DDX10: variants seen among roughly 807,000 people sequenced by gnomAD.
The protein encoded by DDX10 is DEAD-box helicase 10, also known as probable ATP-dependent RNA helicase DDX10.
DDX10 carries 74 observed loss-of-function variants against 104.3 expected under a neutral mutation model. The ratio of observed to expected loss-of-function variants is 0.71; its 90% confidence interval spans 0.59 to 0.86. The LOEUF is 0.86. Ranked by LOEUF, DDX10 falls within the 40% of genes least tolerant of loss-of-function variation. DDX10 has a pLI of 0.00. For synonymous variants in DDX10, 351 were observed against 353.4 expected (o/e 0.99, Z 0.08); for missense variants, 952 against 1,040.0 (o/e 0.92, Z 1.16).
At chr11:108,674,226 G>C (rs1228712161) in intron 2 of DDX10, among the ~76,000 whole-genome samples, 1 of 151,898 alleles carries the variant, frequency 6.6e-6, no homozygotes, top group Non-Finnish European at 1.5e-5. Flanking sequence ...CTGAGGCAGG[G>C]GAATCACTTG....
intron 16 of DDX10, among the ~76,000 whole-genome samples, chr11:108,911,534 C>T (rs1022680775): frequency 2.7e-5 from 4 of 149,930 alleles, no homozygotes; most frequent in African/African-American, 9.9e-5. Flanking sequence ...CTAACCAGTT[C>T]CCAAAAGCTT....
chr11:108,788,519 C>T (rs1181234517), intron 13 of DDX10, among the ~76,000 whole-genome samples: 11 of 152,120 alleles, frequency 7.2e-5, no homozygotes, highest in Admixed American at 3.3e-4. Context: ...TGCGCCACCA[C>T]GCCTGGCTAA....
intron 1 of DDX10, among the ~76,000 whole-genome samples, chr11:108,667,985 A>G (rs1020855682): frequency 1.3e-5 from 2 of 152,196 alleles, no homozygotes; most frequent in Non-Finnish European, 1.5e-5. Context: ...TGCACTCCCC[A>G]GAGTCTGGTA....
At chr11:108,892,003 C>G (rs546884820) in intron 16 of DDX10, among the ~76,000 whole-genome samples, 4 of 152,234 alleles carry the variant, frequency 2.6e-5, no homozygotes, top group African/African-American at 9.6e-5. Flanking sequence ...ACCTGGAAAG[C>G]CTGCACATGG....
At chr11:108,832,106 C>A (rs529296455) in intron 13 of DDX10, among the ~76,000 whole-genome samples, 2 of 151,986 alleles carry the variant, frequency 1.3e-5, no homozygotes, top group South Asian at 2.1e-4. Flanking sequence ...AAAATCTTGT[C>A]AAAAAATATA....
Position 108,715,910 on chromosome 11 carries a change from A to G in DDX10, c.1354A>G (p.Lys452Glu). 1 of 1,563,180 alleles carries G rather than the reference A, an allele frequency of 6.4e-7. No individual in the cohort carries two copies. The highest frequency in any genetic ancestry group is 8.8e-7 in the Non-Finnish European group (1 of 1,136,898). Residue 452 changes from lysine (K) to glutamate (E), a missense_variant, in exon 11 of 18, where the codon AAA becomes GAA. Physicochemically the swap from Lys to Glu is moderately conservative, Grantham distance 56. Around this residue, in one of 3 missense-constraint regions of DDX10, gnomAD observed 533 missense variants for 534.1 expected, o/e 1.00. Transcript: ENST00000322536. ...INPEKLIDVQ[K>E]KLESILAQDQ... ...TCCAGAAAAACTTATAGATGTCCAGAAAAAATTGGAATCTATTTTAGCTCA... is the reference window on the plus strand; with the variant it reads ...TCCAGAAAAACTTATAGATGTCCAGGAAAAATTGGAATCTATTTTAGCTCA...
At position 108,818,662 on chromosome 11, in the gene DDX10, A is replaced by G. The variant is rs1591826524; in HGVS notation, c.1966-19784A>G. ...GTGAGTCAACTGAATCTTTTAAATTATTGTACGGTACAAATAACCAAAGTG... is the reference window on the plus strand; with the variant it reads ...GTGAGTCAACTGAATCTTTTAAATTGTTGTACGGTACAAATAACCAAAGTG... On this transcript the variant is annotated intron_variant, in intron 13 of 17. Coordinates refer to ENST00000322536, the MANE Select transcript of DDX10 (RefSeq NM_004398.4). 2.0e-5 allele frequency among the ~76,000 whole-genome samples: 3 copies of G among 152,234 alleles called. No individual in the cohort carries two copies. The East Asian group carries it at 5.8e-4, about 29-fold the overall frequency.
At chr11:108,787,637 T>G (rs1281178493) in intron 13 of DDX10, among the ~76,000 whole-genome samples, 2 of 152,038 alleles carry the variant, frequency 1.3e-5, no homozygotes, top group African/African-American at 4.8e-5. Context: ...CTGTTAATAC[T>G]TTTGATTGTA....
At chr11:108,874,867 G>A (rs1447253526) in intron 16 of DDX10, among the ~76,000 whole-genome samples, 1 of 152,090 alleles carries the variant, frequency 6.6e-6, no homozygotes, top group Non-Finnish European at 1.5e-5. Context: ...CTTCAGCTGA[G>A]TTCCTTTATT....
rs2134476139 is a variant in DDX10, at chr11:108,723,039, GA to G, written c.1546del (p.Met516CysfsTer10). The part of the protein sequence containing the change: ...AVAPRVRFLQ[K>X]MQKQPTKELV... Reference sequence around the variant, plus strand: ...TGGCACCACGCGTAAGATTTCTTCAGAAAATGCAGAAACAACCCACCAAAGA... The same window carrying G: ...TGGCACCACGCGTAAGATTTCTTCAGAAATGCAGAAACAACCCACCAAAGA... On this transcript the variant is annotated frameshift_variant, in exon 13 of 18. Coordinates refer to ENST00000322536, the MANE Select transcript of DDX10 (RefSeq NM_004398.4). LOFTEE classifies it high-confidence loss of function. 1 of 1,611,698 alleles carries G rather than the reference GA, an allele frequency of 6.2e-7. No homozygotes were observed. The highest frequency in any genetic ancestry group is 2.2e-5 in the East Asian group (1 of 44,842).
intron 16 of DDX10, among the ~76,000 whole-genome samples, chr11:108,857,529 T>C (rs1205811643): frequency 1.3e-5 from 2 of 152,244 alleles, no homozygotes; most frequent in Non-Finnish European, 2.9e-5. Context: ...TCTCTTTGGC[T>C]CTGGCTCTTG....
intron 13 of DDX10, among the ~76,000 whole-genome samples, chr11:108,753,854 T>G (rs2094341362): frequency 6.6e-6 from 1 of 152,114 alleles, no homozygotes; most frequent in Non-Finnish European, 1.5e-5. Flanking sequence ...ATTTATAGGC[T>G]TAATCAATTT....
chr11:108,912,521 T>C (rs1456874393), intron 16 of DDX10, among the ~76,000 whole-genome samples: 5 of 152,232 alleles, frequency 3.3e-5, no homozygotes, highest in African/African-American at 1.2e-4. Flanking sequence ...TCTAAGGTAC[T>C]AATTTAGTTT....
intron 16 of DDX10, among the ~76,000 whole-genome samples, chr11:108,897,876 A>T (rs1169169860): frequency 6.6e-6 from 1 of 152,086 alleles, no homozygotes; most frequent in Non-Finnish European, 1.5e-5. Flanking sequence ...TAGGATTTCC[A>T]ATGGTGTATT....
chr11:108,723,358 A>G lies in DDX10; in HGVS notation c.1861A>G (p.Thr621Ala). The change falls in exon 13 of 18, where the codon ACA (threonine) becomes GCA (alanine). Residue 621 changes from threonine (T) to alanine (A), a missense_variant. Thr to Ala is a moderately conservative substitution (Grantham distance 58). Coordinates refer to ENST00000322536, the MANE Select transcript of DDX10 (RefSeq NM_004398.4). ...GGCACAGAAGATCAAGGAAGTTCCT[A>G]CACAGTTCTTGGACAGAGATGAGGA... ...SEAQKIKEVP[T>A]QFLDRDEEEE... is the part of the protein sequence containing the mutation. The G allele has an allele frequency of 6.2e-7, 1 of 1,613,996 alleles. No individual in the cohort carries two copies. The highest frequency in any genetic ancestry group is 8.5e-7 in the Non-Finnish European group (1 of 1,179,916).
At chr11:108,847,167 A>G (rs1280186368) in intron 15 of DDX10, among the ~76,000 whole-genome samples, 2 of 152,246 alleles carry the variant, frequency 1.3e-5, no homozygotes, top group Admixed American at 6.5e-5. Context: ...TTGCATATGA[A>G]ACCATTAGTA....
intron 16 of DDX10, among the ~76,000 whole-genome samples, chr11:108,874,363 C>T (rs113777449): frequency 0.011 from 1,644 of 152,272 alleles, 24 homozygotes; most frequent in African/African-American, 0.038. Flanking sequence ...CAAGGGATTT[C>T]TCCCCTTAGT....
At chr11:108,846,595 G>A (rs1862721289) in intron 15 of DDX10, among the ~76,000 whole-genome samples, 1 of 152,138 alleles carries the variant, frequency 6.6e-6, no homozygotes, top group Non-Finnish European at 1.5e-5. Context: ...TGTTGCAAAT[G>A]ATGGAATTCT....
intron 13 of DDX10, among the ~76,000 whole-genome samples, chr11:108,775,231 A>G (rs1404781271): frequency 1.3e-5 from 2 of 152,238 alleles, no homozygotes; most frequent in Non-Finnish European, 2.9e-5. Context: ...GGGAAATTAA[A>G]TTGAATTGAA....
Sources: gnomAD v4.1 joint callset for allele counts (sites outside exome capture counted in the v4.1 genomes callset) on GRCh38, gnomAD v4.1.1 for gene constraint, gnomAD v4.1.1 regional missense constraint, MANE v1.5 for transcripts, NCBI Gene and HGNC (gene_info 2026-07-23, HGNC 2026-07-21) for gene names.